The following PTPRD variants were observed in gnomAD, a reference collection of about 807,000 sequenced individuals.
The protein encoded by PTPRD is receptor-type tyrosine-protein phosphatase delta.
PTPRD carries 34 observed loss-of-function variants against 214.5 expected under a neutral mutation model. The ratio of observed to expected loss-of-function variants is 0.16; its 90% CI spans 0.12 to 0.21. The LOEUF is 0.21. Ranked by LOEUF, PTPRD falls within the 10% of genes least tolerant of loss-of-function variation. The probability of loss-of-function intolerance (pLI) is 1.00; values close to 1 mark genes in which losing one functional copy is unlikely to be tolerated. For missense variants in PTPRD, 2,545 were observed against 2,398.7 expected, an observed-to-expected ratio of 1.06 and a Z score of -1.27; for synonymous variants, 1,128 against 845.7, an observed-to-expected ratio of 1.33 and a Z score of -5.79.
intron 5 of PTPRD, among the ~76,000 whole-genome samples, chr9:9,880,821 G>C (rs2068437275): frequency 6.6e-6 from 1 of 152,160 alleles, no homozygotes; most frequent in South Asian, 2.1e-4. Flanking sequence ...TCCTTAGACT[G>C]ATGCTGCTTT....
At chr9:10,195,300 A>G (rs2099393543) in intron 3 of PTPRD, among the ~76,000 whole-genome samples, 1 of 152,042 alleles carries the variant, frequency 6.6e-6, no homozygotes, top group Non-Finnish European at 1.5e-5. Flanking sequence ...GATTGAGCCT[A>G]CATATTTAGA....
chr9:8,895,750 C>G (rs2098604246), intron 11 of PTPRD, among the ~76,000 whole-genome samples: 1 of 152,174 alleles, frequency 6.6e-6, no homozygotes, highest in African/African-American at 2.4e-5. Flanking sequence ...AGACACTCCT[C>G]CAGACTTTAG....
intron 11 of PTPRD, among the ~76,000 whole-genome samples, chr9:8,862,759 G>T (rs1431810781): frequency 6.6e-6 from 1 of 152,184 alleles, no homozygotes; most frequent in African/African-American, 2.4e-5. Flanking sequence ...TTTAAGAAAA[G>T]AAATCCACAT....
intron 3 of PTPRD, among the ~76,000 whole-genome samples, chr9:10,183,828 T>C (rs561847962): frequency 6.6e-6 from 1 of 152,210 alleles, no homozygotes; most frequent in African/African-American, 2.4e-5. Context: ...AGGCAAACAA[T>C]GAAATGCCAA....
chr9:10,071,266 A>G lies in PTPRD; in HGVS notation c.-544-37476T>C, dbSNP rs116022969. On this transcript the variant is annotated intron_variant, in intron 3 of 45. Transcript: ENST00000381196. ...ATATTTTGTATATATGGATAACCTGATTCTTGATTGTAAAATTTATGTGGA... is the reference window on the plus strand; with the variant it reads ...ATATTTTGTATATATGGATAACCTGGTTCTTGATTGTAAAATTTATGTGGA... Among the ~76,000 whole-genome samples the G allele has an allele frequency of 1.1e-3, 163 of 152,176 alleles. 2 individuals carry two copies. Among genetic ancestry groups the G allele is most frequent in the African/African-American group, 3.8e-3 (158 of 41,566 alleles).
chr9:10,612,218 A>AAAAG (rs1555626849), intron 2 of PTPRD, among the ~76,000 whole-genome samples, 180 bp downstream of exon 2: 9 of 151,732 alleles, frequency 5.9e-5, no homozygotes, highest in Admixed American at 1.3e-4. Context: ...CAAAAAAAAA[A>AAAAG]AAAAAAGAAA....
chr9:9,409,952 A>G (rs1281032391), intron 8 of PTPRD, among the ~76,000 whole-genome samples: 2 of 152,162 alleles, frequency 1.3e-5, no homozygotes, highest in Admixed American at 1.3e-4. Context: ...TGAAATGTGT[A>G]ATATGTTGGC....
chr9:9,036,827 T>C (rs999361428), intron 10 of PTPRD, among the ~76,000 whole-genome samples: 2 of 152,166 alleles, frequency 1.3e-5, no homozygotes, highest in Non-Finnish European at 2.9e-5. Flanking sequence ...GATCTCAGCA[T>C]GCCTCTTGGT....
At chr9:9,933,110 C>A (rs1242550338) in intron 5 of PTPRD, among the ~76,000 whole-genome samples, 1 of 152,122 alleles carries the variant, frequency 6.6e-6, no homozygotes, top group African/African-American at 2.4e-5. Context: ...CTGGTACCAG[C>A]CGCTGCAAAA....
intron 2 of PTPRD, among the ~76,000 whole-genome samples, chr9:10,374,566 A>G (rs975828215): frequency 6.6e-6 from 1 of 152,004 alleles, no homozygotes; most frequent in African/African-American, 2.4e-5. Context: ...ACAGATCATC[A>G]GATTAATATA....
chr9:8,874,050 A>T (rs1447555410), intron 11 of PTPRD, among the ~76,000 whole-genome samples: 1 of 152,236 alleles, frequency 6.6e-6, no homozygotes, highest in African/African-American at 2.4e-5. Context: ...TAACTTTTGA[A>T]CTTAGGGTAA....
In PTPRD at chr9:8,500,848, T is replaced by A; in HGVS notation, c.2034A>T (p.Glu678Asp). Residue 678 changes from glutamate (E) to aspartate (D), a missense_variant, in exon 24 of 46, where the codon GAA becomes GAT. By Grantham distance (45) the Glu-to-Asp change is conservative (BLOSUM62 2). Coordinates refer to ENST00000381196, the MANE Select transcript of PTPRD (RefSeq NM_002839.4). ...DTTKYLLEQL[E>D]KWTEYRITVT... is the part of the protein sequence containing the mutation. ...CAGTGATCCGGTATTCAGTCCATTTTTCCAGCTGTTCCAAAAGGTATTTGG... is the reference window on the plus strand; with the variant it reads ...CAGTGATCCGGTATTCAGTCCATTTATCCAGCTGTTCCAAAAGGTATTTGG... 6.2e-7 allele frequency: 1 copy of A among 1,614,198 alleles called. No individual in the cohort carries two copies. The highest frequency in any genetic ancestry group is 1.1e-5 in the South Asian group (1 of 91,086).
intron 8 of PTPRD, among the ~76,000 whole-genome samples, chr9:9,454,284 G>C (rs548949903): frequency 2.0e-5 from 3 of 151,614 alleles, no homozygotes; most frequent in Non-Finnish European, 4.4e-5. Context: ...AAATACTCCC[G>C]GTTTGGCTCT....
At chr9:9,333,751 G>A (rs904391239) in intron 9 of PTPRD, among the ~76,000 whole-genome samples, 1 of 151,526 alleles carries the variant, frequency 6.6e-6, no homozygotes, top group Non-Finnish European at 1.5e-5. Flanking sequence ...ACATTCATAT[G>A]AGGTCAAAAT....
At chr9:9,929,012 C>T (rs1000305259) in intron 5 of PTPRD, among the ~76,000 whole-genome samples, 7 of 151,992 alleles carry the variant, frequency 4.6e-5, no homozygotes, top group African/African-American at 1.2e-4. Flanking sequence ...CTCAGAGGTT[C>T]GAAGAGACTT....
intron 3 of PTPRD, among the ~76,000 whole-genome samples, chr9:10,150,493 A>C (rs1280215095): frequency 1.3e-5 from 2 of 151,974 alleles, no homozygotes; most frequent in Admixed American, 6.6e-5. Context: ...GGGGAACATC[A>C]CATACCGGGG....
intron 3 of PTPRD, among the ~76,000 whole-genome samples, chr9:10,118,346 T>A (rs990754311): frequency 5.3e-5 from 8 of 151,652 alleles, no homozygotes; most frequent in Middle Eastern, 3.4e-3. Flanking sequence ...AATGTACATA[T>A]CTTTTTGGCA....
chr9:9,934,240 G>A (rs1211652741), intron 5 of PTPRD, among the ~76,000 whole-genome samples: 6 of 147,608 alleles, frequency 4.1e-5, no homozygotes. Context: ...GAGCAGAACT[G>A]AAGGAAATAG....
chr9:8,782,873 G>A (rs1243441622), intron 11 of PTPRD, among the ~76,000 whole-genome samples: 6 of 152,138 alleles, frequency 3.9e-5, no homozygotes, highest in African/African-American at 1.4e-4. Context: ...TGGGATTACA[G>A]GCCTGAGCCA....
Sources: gnomAD v4.1 joint callset for allele counts (sites outside exome capture counted in the v4.1 genomes callset) on GRCh38, gnomAD v4.1.1 for gene constraint, MANE v1.5 for transcripts, NCBI Gene and HGNC (gene_info 2026-07-23, HGNC 2026-07-21) for gene names.